The following ZFYVE16 variants were observed in gnomAD, a reference collection of about 807,000 sequenced individuals.
ZFYVE16 encodes zinc finger FYVE domain-containing protein 16.
Under a neutral mutation model 138.1 loss-of-function variants are expected in ZFYVE16, and 89 were observed. That is an observed-to-expected ratio of 0.64 (90% CI 0.54 to 0.77). The LOEUF is 0.77. Among genes scored for constraint, ZFYVE16 ranks in the 30% least tolerant of loss-of-function variants. The pLI, the probability that ZFYVE16 is intolerant of heterozygous loss-of-function variation, is 0.00. For missense variants in ZFYVE16, 1,793 were observed against 1,786.7 expected, an observed-to-expected ratio of 1.00 and a Z score of -0.06; for synonymous variants, 596 against 618.3, an observed-to-expected ratio of 0.96 and a Z score of 0.53.
chr5:80,474,470 A>G (rs966683890), intron 17 of ZFYVE16, among the ~76,000 whole-genome samples, 193 bp from the exon 18 acceptor site: 3 of 152,324 alleles, frequency 2.0e-5, no homozygotes, highest in Non-Finnish European at 4.4e-5. Context: ...TTGCTGAGAC[A>G]TTTCCATATT....
intron 2 of ZFYVE16, among the ~76,000 whole-genome samples, chr5:80,431,003 A>G (rs1162100268): frequency 1.3e-5 from 2 of 152,254 alleles, no homozygotes; most frequent in African/African-American, 4.8e-5. Context: ...GAATTCTACC[A>G]GAGGTACAAG....
At chr5:80,428,674 T>C (rs1748515396) in intron 2 of ZFYVE16, among the ~76,000 whole-genome samples, 2 of 152,142 alleles carry the variant, frequency 1.3e-5, no homozygotes, top group South Asian at 4.1e-4. Context: ...AAGCAGGAAG[T>C]TCGAACCCAT....
Position 80,438,756 on chromosome 5 carries a change from A to G in ZFYVE16, c.2071A>G (p.Ile691Val), listed in dbSNP as rs765199817. Reference protein sequence around the residue: ...ADTVVPITCAIDSTADPQVSF... With the variant: ...ADTVVPITCAVDSTADPQVSF... ...TACCGTTGTTCCAATCACTTGTGCT[A>G]TAGATTCTACAGCTGATCCACAGGT... The change falls in exon 4 of 19, where the codon ATA becomes GTA. Residue 691 changes from isoleucine (I) to valine (V), a missense_variant. Physicochemically the swap from Ile to Val is conservative, Grantham distance 29 (BLOSUM62 3). Around this residue, in one of 2 missense-constraint regions of ZFYVE16, gnomAD observed 1,295 missense variants for 1,204.3 expected, o/e 1.08. Transcript: ENST00000505560. The G allele has an allele frequency of 8.7e-6, 14 of 1,614,024 alleles. No homozygotes were observed. The highest frequency in any genetic ancestry group is 4.4e-5 in the South Asian group (4 of 91,086).
At chr5:80,462,107 G>A (rs1362942824) in intron 15 of ZFYVE16, among the ~76,000 whole-genome samples, 6 of 152,118 alleles carry the variant, frequency 3.9e-5, no homozygotes, top group South Asian at 2.1e-4. Flanking sequence ...TTCAACATAC[G>A]AATTCTGGGG....
rs893040457 is a variant in ZFYVE16, at chr5:80,443,191, A to G, written c.2488A>G (p.Thr830Ala). The G allele has an allele frequency of 3.1e-5, 50 of 1,607,648 alleles. No homozygotes were observed. Among genetic ancestry groups the G allele is most frequent in the African/African-American group, 4.0e-5 (3 of 74,420 alleles). ...NLKSNHSDEC[T>A]TVQPPQENQT... Reference sequence around the variant, plus strand: ...TAAGTCTAATCATTCTGATGAATGTACTACTGTCCAGCCTCCTCAGGAGAA... The same window carrying G: ...TAAGTCTAATCATTCTGATGAATGTGCTACTGTCCAGCCTCCTCAGGAGAA... Residue 830 changes from threonine to alanine, a missense_variant, in exon 6 of 19, where the codon ACT becomes GCT. Physicochemically the swap from Thr to Ala is moderately conservative, Grantham distance 58 (BLOSUM62 0). This residue lies in a region of ZFYVE16 where 1,295 missense variants were observed against 1,204.3 expected (regional missense o/e 1.08). Transcript: ENST00000505560.
At chr5:80,475,118 A>G (rs1754769608) in intron 18 of ZFYVE16, among the ~76,000 whole-genome samples, 2 of 152,228 alleles carry the variant, frequency 1.3e-5, no homozygotes. Flanking sequence ...CACAGTATGT[A>G]AACAAATTAA....
intron 10 of ZFYVE16, 62 bp downstream of exon 10, chr5:80,450,648 A>T: frequency 6.5e-7 from 1 of 1,537,414 alleles, no homozygotes; most frequent in Non-Finnish European, 8.8e-7. Context: ...AAAGGCATTT[A>T]TGGTTTTGGC....
At position 80,448,316 on chromosome 5, in the gene ZFYVE16, C is replaced by T. The variant is rs767008530; in HGVS notation, c.3015C>T (p.Asn1005=). 6.2e-6 allele frequency: 10 copies of T among 1,611,866 alleles called. No homozygotes were observed. The South Asian group carries it at 9.9e-5, about 16-fold the overall frequency. The change falls in exon 8 of 19, where the codon AAC becomes AAT. Residue 1005 remains asparagine, a synonymous_variant. Transcript: ENST00000505560. ...ISDYRLLCDI[N]KYVCNKISLL... ...ATTATAGGTTACTGTGTGATATTAACAAGTATGTCTGCAATAAGATTAGTC... is the reference window on the plus strand; with the variant it reads ...ATTATAGGTTACTGTGTGATATTAATAAGTATGTCTGCAATAAGATTAGTC...
chr5:80,444,821 T>C (rs1183512109), intron 6 of ZFYVE16, among the ~76,000 whole-genome samples: 1 of 152,082 alleles, frequency 6.6e-6, no homozygotes, highest in Non-Finnish European at 1.5e-5. Context: ...ACTGCACTTT[T>C]CATCACTGTA....
intron 1 of ZFYVE16, among the ~76,000 whole-genome samples, chr5:80,408,419 C>G (rs1744927748): frequency 6.6e-6 from 1 of 152,216 alleles, no homozygotes; most frequent in African/African-American, 2.4e-5. Flanking sequence ...GCTGTTTGCC[C>G]GGTTCCCCGC....
rs1403378411 is a variant in ZFYVE16 at position 80,481,800 on chromosome 5, A to G, written c.*4423A>G. 6.6e-6 allele frequency among the ~76,000 whole-genome samples: 1 copy of G among 152,172 alleles called. No homozygotes were observed. Among genetic ancestry groups the G allele is most frequent in the Non-Finnish European group, 1.5e-5 (1 of 68,028 alleles). ...GTTACCCAAATGTCAGAATTATCAG[A>G]AAAAGACTTAAAACTAGTTATTTTA... On this transcript the variant is annotated 3_prime_UTR_variant, in exon 19 of 19. Coordinates refer to ENST00000505560, the MANE Select transcript of ZFYVE16 (RefSeq NM_001284236.3).
chr5:80,436,839 C>T lies in ZFYVE16; in HGVS notation c.154C>T (p.Arg52Ter), dbSNP rs768034228. 7 of 1,614,080 alleles carry T rather than the reference C, an allele frequency of 4.3e-6. No homozygotes were observed. Among genetic ancestry groups the T allele is most frequent in the Admixed American group, 1.7e-5 (1 of 60,010 alleles). Reference protein sequence around the residue: ...SVSSELASSQRTSLLPKDQEC... With the variant: ...SVSSELASSQ ...TTCTTCAGAGTTGGCTTCCTCACAGCGAACTTCATTGCTCCCAAAAGACCA... is the reference window on the plus strand; with the variant it reads ...TTCTTCAGAGTTGGCTTCCTCACAGTGAACTTCATTGCTCCCAAAAGACCA... The change falls in exon 4 of 19, where the codon CGA becomes TGA. Residue 52 changes from arginine (R) to a stop codon, truncating the protein, a stop_gained. Transcript: ENST00000505560. LOFTEE classifies it high-confidence loss of function.
rs1755138238 is a variant in ZFYVE16 at position 80,478,880 on chromosome 5, T to C, written c.*1503T>C. On this transcript the variant is annotated 3_prime_UTR_variant, in exon 19 of 19. Coordinates refer to ENST00000505560, the MANE Select transcript of ZFYVE16 (RefSeq NM_001284236.3). Reference sequence around the variant, plus strand: ...TGAACAATGTAAAGTGTCGCAGATATTCAATAAAATGGCAACCTGTTATAA... The same window carrying C: ...TGAACAATGTAAAGTGTCGCAGATACTCAATAAAATGGCAACCTGTTATAA... 6.6e-6 allele frequency: 1 copy of C among 152,176 alleles called. No individual in the cohort carries two copies. Among genetic ancestry groups the C allele is most frequent in the Non-Finnish European group, 1.5e-5 (1 of 67,990 alleles). 9.4% of individuals were successfully genotyped at this position (152,176 alleles called of 1,614,324 possible).
intron 1 of ZFYVE16, among the ~76,000 whole-genome samples, chr5:80,420,039 T>C (rs565484557): frequency 6.6e-6 from 1 of 151,858 alleles, no homozygotes; most frequent in South Asian, 2.1e-4. Flanking sequence ...CTTGAACTCC[T>C]GACCTCGTGA....
At position 80,478,125 on chromosome 5, in the gene ZFYVE16, T is replaced by C. The variant is rs1755077486; in HGVS notation, c.*748T>C. On this transcript the variant is annotated 3_prime_UTR_variant, in exon 19 of 19. Transcript: ENST00000505560. ...TTCTGAATGTTTTATAAATCTTTAA[T>C]AATTTATATGTAGGTAATATTTTTG... 6.6e-6 allele frequency: 1 copy of C among 152,094 alleles called. No individual in the cohort carries two copies. The highest frequency in any genetic ancestry group is 6.5e-5 in the Admixed American group (1 of 15,278). 9.4% of individuals were successfully genotyped at this position (152,094 alleles called of 1,614,324 possible).
chr5:80,447,423 C>T (rs1338828333), intron 7 of ZFYVE16, among the ~76,000 whole-genome samples: 5 of 152,068 alleles, frequency 3.3e-5, no homozygotes, highest in African/African-American at 4.8e-5. Flanking sequence ...CTAGCTAGCA[C>T]GCACTGTCAA....
chr5:80,426,198 T>TG (rs1747967176), intron 1 of ZFYVE16, among the ~76,000 whole-genome samples: 1 of 116,850 alleles, frequency 8.6e-6, no homozygotes, highest in African/African-American at 3.1e-5. Flanking sequence ...TATGTGTGTG[T>TG]GTGGTGTGTG....
intron 6 of ZFYVE16, chr5:80,443,762 T>G: frequency 2.2e-6 from 1 of 456,308 alleles, no homozygotes; most frequent in Non-Finnish European, 4.4e-6. Context: ...GAATTCCTTC[T>G]TATTTCTTCC....
intron 15 of ZFYVE16, 115 bp from the exon 16 acceptor site, chr5:80,472,646 C>A: frequency 1.9e-6 from 2 of 1,041,964 alleles, no homozygotes; most frequent in Non-Finnish European, 2.7e-6. Context: ...AGATGATTAG[C>A]AAATGATTTA....
Sources: gnomAD v4.1 joint callset for allele counts (sites outside exome capture counted in the v4.1 genomes callset) on GRCh38, gnomAD v4.1.1 for gene constraint, gnomAD v4.1.1 regional missense constraint, MANE v1.5 for transcripts, NCBI Gene and HGNC (gene_info 2026-07-23, HGNC 2026-07-21) for gene names.